Variants in TAF5L observed in about 807,000 individuals in gnomAD.
TAF5L encodes TAF5-like RNA polymerase II p300/CBP-associated factor-associated factor 65 kDa subunit 5L.
A neutral mutation model predicts 51.3 loss-of-function variants in TAF5L; 7 were observed. That is an observed-to-expected ratio of 0.14 (90% CI 0.08 to 0.26). TAF5L has a LOEUF of 0.26. TAF5L is among the 10% of genes least tolerant of loss of function. The pLI is 1.00. For missense variants in TAF5L, 575 were observed against 758.9 expected (o/e 0.76, Z 2.85); for synonymous variants, 291 against 308.1 (o/e 0.94, Z 0.58).
intron 4 of TAF5L, chr1:229,599,967 G>A: frequency 1.0e-6 from 1 of 985,416 alleles, no homozygotes; most frequent in Non-Finnish European, 1.2e-6. Flanking sequence ...ATTAATCCAT[G>A]TGGCTTCACC....
chr1:229,626,084 G>A (rs2102773444), upstream of TAF5L: 1 of 151,444 alleles, frequency 6.6e-6, no homozygotes, highest in South Asian at 1.9e-4. Context: ...CCGCGGGCTG[G>A]GCCGCTCGGG....
intron 3 of TAF5L, among the ~76,000 whole-genome samples, chr1:229,609,453 A>G (rs1365322220): frequency 2.0e-5 from 3 of 152,038 alleles, no homozygotes; most frequent in Admixed American, 2.0e-4. Flanking sequence ...TCCTGGTGTA[A>G]ATTTTTATGT....
rs1300135179 is a variant in TAF5L at position 229,602,638 on chromosome 1, G to A, written c.529C>T (p.Arg177Cys). The A allele has an allele frequency of 5.0e-6, 8 of 1,614,134 alleles. No homozygotes were observed. The highest frequency in any genetic ancestry group is 6.8e-6 in the Non-Finnish European group (8 of 1,180,024). Residue 177 changes from arginine (R) to cysteine (C), a missense_variant, in exon 4 of 5, where the codon CGC becomes TGC. By Grantham distance (180) the Arg-to-Cys change is radical. This residue lies in a region of TAF5L where 380 missense variants were observed against 443.7 expected (regional missense o/e 0.86). Coordinates refer to ENST00000258281, the Ensembl canonical transcript of TAF5L. This position sits in a 1 kb window ranked among gnomAD's most constrained non-coding sequence, Gnocchi z 4.6. ...GTATTGTTGTCACTTTGGAGGTAGC[G>A]GATAAGGTAGTTGTAGCTGTCTTCT...
In TAF5L at chr1:229,625,641, T is replaced by TGCAGGCCACGCCGCCGGCC. The variant is rs916562264; in HGVS notation, c.-4+225_-4+243dup. Among the ~76,000 whole-genome samples, 5 of 150,920 alleles carry TGCAGGCCACGCCGCCGGCC rather than the reference T, an allele frequency of 3.3e-5. No individual in the cohort carries two copies. Among genetic ancestry groups the TGCAGGCCACGCCGCCGGCC allele is most frequent in the Non-Finnish European group, 7.4e-5 (5 of 67,624 alleles). On this transcript the variant is annotated intron_variant, in intron 1 of 4. Coordinates refer to ENST00000258281, the Ensembl canonical transcript of TAF5L. This position sits in a 1 kb window ranked among gnomAD's most constrained non-coding sequence, Gnocchi z 4.0. ...CGCCAGTCCAGGTGTAGCCGCCGAC[T>TGCAGGCCACGCCGCCGGCC]GCAGGCCACGCCGCCGGCCGCAGCC...
At chr1:229,615,883 T>G (rs541071996) in intron 1 of TAF5L, among the ~76,000 whole-genome samples, 1 of 152,346 alleles carries the variant, frequency 6.6e-6, no homozygotes, top group South Asian at 2.1e-4. Context: ...AAAGTAACAT[T>G]CTCTAAATCA....
intron 4 of TAF5L, among the ~76,000 whole-genome samples, chr1:229,595,700 T>C (rs1558142949): frequency 6.6e-6 from 1 of 152,268 alleles, no homozygotes; most frequent in Non-Finnish European, 1.5e-5. Context: ...AGTTTCGCTC[T>C]TGTTGCCCAG....
intron 1 of TAF5L, among the ~76,000 whole-genome samples, chr1:229,617,528 T>C (rs6697307): frequency 0.14 from 20,586 of 152,174 alleles, 2,130 homozygotes; most frequent in East Asian, 0.42. Flanking sequence ...CATGCAAATA[T>C]TGATGCACAT....
chr1:229,596,795 A>T (rs1263527065), intron 4 of TAF5L, among the ~76,000 whole-genome samples: 1 of 152,252 alleles, frequency 6.6e-6, no homozygotes, highest in African/African-American at 2.4e-5. Context: ...AGAAAGGAGT[A>T]TGATGAAGAT....
intron 3 of TAF5L, chr1:229,607,432 CTT>C: frequency 1.0e-6 from 1 of 985,436 alleles, no homozygotes; most frequent in Non-Finnish European, 1.2e-6. Context: ...ACAACAAAGC[CTT>C]AGTTGTTCCT....
At chr1:229,616,960 C>T (rs1287653414) in intron 1 of TAF5L, among the ~76,000 whole-genome samples, 1 of 152,164 alleles carries the variant, frequency 6.6e-6, no homozygotes, top group African/African-American at 2.4e-5. Context: ...GAATCAGTGA[C>T]ATAATGAAAC....
At chr1:229,606,103 C>T (rs1433286778) in intron 3 of TAF5L, 1 of 981,220 alleles carries the variant, frequency 1.0e-6, no homozygotes, top group East Asian at 1.1e-4. Context: ...TAGTGATGTA[C>T]TACTTTAAAA....
At position 229,617,298 on chromosome 1, in the gene TAF5L, C is replaced by T. The variant is rs541754531; in HGVS notation, c.-3-2813G>A. On this transcript the variant is annotated intron_variant, in intron 1 of 4. Transcript: ENST00000258281. ...ATTTAGAGTAAAAAAGTTAAATGCA[C>T]ACGGAGGCTGTGACAGTACTGTCCT... 5.3e-5 allele frequency among the ~76,000 whole-genome samples: 8 copies of T among 152,310 alleles called. 1 individual carries two copies. The highest frequency in any genetic ancestry group is 1.9e-4 in the African/African-American group (8 of 41,558).
At chr1:229,614,027 G>T (rs1359528038) in intron 2 of TAF5L, 1 of 598,656 alleles carries the variant, frequency 1.7e-6, no homozygotes, top group Non-Finnish European at 3.0e-6. Flanking sequence ...GGTCTTGTAG[G>T]TTAATTGTTT....
chr1:229,614,349 T>A (rs766432410), exon 2 of TAF5L: 2 of 1,614,246 alleles, frequency 1.2e-6, no homozygotes, highest in Admixed American at 3.3e-5. Flanking sequence ...ACCTGTTAGA[T>A]TGGCCGCCAT....
chr1:229,593,255 T>C (rs1663983617), exon 5 of TAF5L: 1 of 152,216 alleles, frequency 6.6e-6, no homozygotes, highest in East Asian at 1.9e-4. Context: ...GCGTACATAC[T>C]TACGATTTGT....
At chr1:229,601,335 C>G in intron 4 of TAF5L, 1 of 985,232 alleles carries the variant, frequency 1.0e-6, no homozygotes, top group Non-Finnish European at 1.2e-6. Flanking sequence ...ATTTTCCATC[C>G]AAAGTAATGT....
rs752209479 is a variant in TAF5L, at chr1:229,595,102, CAGTGG to C, written c.973-13_973-9del. ...ATTATCATCCTCATCATCCTGGGAA[CAGTGG>C]GGTGGGGTGGGAAAAGAAACACACA... On this transcript the variant is annotated splice_polypyrimidine_tract_variant and intron_variant, in intron 4 of 4. Transcript: ENST00000258281. 8.2e-6 allele frequency: 13 copies of C among 1,576,702 alleles called. 1 individual carries two copies. In the Admixed American group the frequency reaches 2.3e-4, roughly 28 times the overall value.
chr1:229,600,783 C>T (rs921034172), intron 4 of TAF5L: 3 of 985,386 alleles, frequency 3.0e-6, no homozygotes, highest in East Asian at 1.1e-4. Flanking sequence ...CCAGTAGTGG[C>T]CAGAGTCTTA....
At chr1:229,603,515 A>G (rs1401264202) in intron 3 of TAF5L, among the ~76,000 whole-genome samples, 3 of 152,212 alleles carry the variant, frequency 2.0e-5, no homozygotes, top group Admixed American at 6.5e-5. Context: ...TGGGCTCATT[A>G]ACATGTCTGG....
Sources: gnomAD v4.1 joint callset for allele counts (sites outside exome capture counted in the v4.1 genomes callset) on GRCh38, gnomAD v4.1.1 for gene constraint, gnomAD v4.1.1 regional missense constraint, Gnocchi (gnomAD v3.1) non-coding constraint, MANE v1.5 for transcripts, NCBI Gene and HGNC (gene_info 2026-07-23, HGNC 2026-07-21) for gene names.